DMD: variants seen among roughly 807,000 people sequenced by gnomAD.
The protein encoded by DMD is mutant dystrophin.
DMD carries 63 observed loss-of-function variants against 330.1 expected under a neutral mutation model. The ratio of observed to expected loss-of-function variants is 0.19; its 90% CI spans 0.16 to 0.24. DMD has a LOEUF of 0.24. DMD is among the 10% of genes least tolerant of loss of function. The pLI, the probability that DMD is intolerant of heterozygous loss-of-function variation, is 1.00. For missense variants in DMD, 3,344 were observed against 2,684.1 expected (o/e 1.25, Z -5.43); for synonymous variants, 1,223 against 959.8 (o/e 1.27, Z -5.07).
At chrX:32,420,762 T>G (rs917157468) in intron 29 of DMD, among the ~76,000 whole-genome samples, 3 of 111,881 alleles carry the variant, frequency 2.7e-5, no homozygotes, top group Non-Finnish European at 5.6e-5. Context: ...TCACACTTCC[T>G]TTTATAGACC....
chrX:33,019,503 A>G (rs768253384), intron 2 of DMD, among the ~76,000 whole-genome samples: 70 of 111,592 alleles, frequency 6.3e-4, no homozygotes, highest in Admixed American at 1.9e-3. Flanking sequence ...TGACATCCCA[A>G]TAAACCTCCA....
chrX:32,698,150 C>T (rs1275440318), intron 8 of DMD, 152 bp from the exon 9 acceptor site: 5 of 610,939 alleles, frequency 8.2e-6, no homozygotes, highest in East Asian at 7.5e-5. Context: ...AAATGATATT[C>T]GAAATTGGTA....
At chrX:32,660,575 A>T (rs1316320099) in intron 9 of DMD, among the ~76,000 whole-genome samples, 2 of 111,466 alleles carry the variant, frequency 1.8e-5, no homozygotes, top group East Asian at 5.6e-4. Context: ...CCAAATATCC[A>T]TTTTTAAAAT....
chrX:32,378,827 C>T (rs2097914061), intron 34 of DMD, among the ~76,000 whole-genome samples: 2 of 110,306 alleles, frequency 1.8e-5, no homozygotes, highest in African/African-American at 3.3e-5. Flanking sequence ...GCAGATGAAA[C>T]TTATAGCTTG....
At chrX:31,562,844 C>T (rs769106853) in intron 55 of DMD, among the ~76,000 whole-genome samples, 26 of 111,290 alleles carry the variant, frequency 2.3e-4, no homozygotes, top group Admixed American at 1.7e-3. Context: ...GTTTAGAAAA[C>T]GTCTTCCTCA....
At chrX:33,037,827 G>A (rs904325468) in intron 1 of DMD, among the ~76,000 whole-genome samples, 28 of 112,151 alleles carry the variant, frequency 2.5e-4, no homozygotes, top group African/African-American at 9.0e-4. Context: ...TACTACAATA[G>A]GAAGTATGAT....
chrX:31,622,877 T>TATATATACACAC (rs1361969125), intron 55 of DMD, among the ~76,000 whole-genome samples: 11 of 70,321 alleles, frequency 1.6e-4, no homozygotes, highest in African/African-American at 4.3e-4. Flanking sequence ...TATATATATA[T>TATATATACACAC]ACACACACAC....
intron 1 of DMD, among the ~76,000 whole-genome samples, chrX:33,044,009 C>T (rs1053062664): frequency 2.7e-5 from 3 of 111,691 alleles, no homozygotes; most frequent in African/African-American, 6.5e-5. Flanking sequence ...ATCTGCAAAA[C>T]GAAAGGAGCT....
At chrX:31,669,084 C>G (rs1471085024) in intron 53 of DMD, among the ~76,000 whole-genome samples, 1 of 111,867 alleles carries the variant, frequency 8.9e-6, no homozygotes, top group Non-Finnish European at 1.9e-5. Context: ...GTGAAGATAT[C>G]TCTTTGACAT....
intron 44 of DMD, among the ~76,000 whole-genome samples, chrX:32,178,500 C>G (rs1431523897): frequency 9.1e-6 from 1 of 109,509 alleles, no homozygotes; most frequent in African/African-American, 3.3e-5. Context: ...ATTCATTTAT[C>G]AAAAATCTTG....
intron 27 of DMD, among the ~76,000 whole-genome samples, chrX:32,442,688 C>T (rs1397540259): frequency 9.1e-6 from 1 of 110,480 alleles, no homozygotes; most frequent in Non-Finnish European, 1.9e-5. Flanking sequence ...GATAACAAGA[C>T]TGTTACAACA....
At chrX:32,997,363 G>A (rs764528867) in intron 2 of DMD, among the ~76,000 whole-genome samples, 61 of 109,099 alleles carry the variant, frequency 5.6e-4, no homozygotes, top group Non-Finnish European at 8.4e-4. Context: ...CTCCTGCCTC[G>A]GTCTCCTGAA....
intron 1 of DMD, among the ~76,000 whole-genome samples, chrX:33,169,026 G>A (rs1279585693): frequency 5.8e-5 from 6 of 103,179 alleles, no homozygotes; most frequent in African/African-American, 2.1e-4. Context: ...TGATTCTCTT[G>A]CATGCACAAA....
chrX:32,802,150 G>A (rs767040708), intron 7 of DMD, among the ~76,000 whole-genome samples: 1 of 111,816 alleles, frequency 8.9e-6, no homozygotes, highest in East Asian at 2.8e-4. Flanking sequence ...AGCATGGAAT[G>A]TTTTTTCATT....
chrX:31,897,470 T>C (rs2094356519), intron 47 of DMD, among the ~76,000 whole-genome samples: 2 of 99,251 alleles, frequency 2.0e-5, no homozygotes, highest in Non-Finnish European at 4.1e-5. Context: ...ATGGTATTTC[T>C]AGTTCTAGAT....
chrX:31,323,533 C>CA, intron 62 of DMD, 65 bp downstream of exon 62: 1 of 952,288 alleles, frequency 1.1e-6, no homozygotes, highest in Non-Finnish European at 1.5e-6. Context: ...AAAATAAACT[C>CA]ACTTGTGAAT....
At chrX:33,118,273 G>T in intron 1 of DMD, among the ~76,000 whole-genome samples, 1 of 108,298 alleles carries the variant, frequency 9.2e-6, no homozygotes, top group Middle Eastern at 4.7e-3. Flanking sequence ...ACCACGCCCG[G>T]CTAATTTTTT....
chrX:31,614,535 G>A (rs1188163497), intron 55 of DMD, among the ~76,000 whole-genome samples: 2 of 111,800 alleles, frequency 1.8e-5, no homozygotes, highest in African/African-American at 6.5e-5. Context: ...ACAGACTCAG[G>A]AGCAAACAAA....
At chrX:32,697,766 G>A (rs937172837) in intron 9 of DMD, 104 bp downstream of exon 9, 24 of 1,086,814 alleles carry the variant, frequency 2.2e-5, no homozygotes, top group Middle Eastern at 2.4e-4. Flanking sequence ...AGCTCTTCAC[G>A]AGGAGATAAA....
Sources: allele counts gnomAD v4.1 joint callset (sites outside exome capture counted in the v4.1 genomes callset), GRCh38; gene constraint gnomAD v4.1.1; transcripts MANE v1.5; gene names NCBI Gene and HGNC (gene_info 2026-07-23, HGNC 2026-07-21).